Variants in CDKAL1 observed in about 807,000 individuals in gnomAD.
CDKAL1 encodes threonylcarbamoyladenosine tRNA methylthiotransferase.
In CDKAL1, 32 loss-of-function variants were observed where a neutral mutation model predicts 68.2. The observed-to-expected ratio is 0.47, with a 90% CI of 0.35 to 0.63. CDKAL1 has a LOEUF of 0.63. CDKAL1 is among the 30% of genes least tolerant of loss of function. The probability of loss-of-function intolerance (pLI) is 0.00; values close to 1 mark genes in which losing one functional copy is unlikely to be tolerated. For missense variants in CDKAL1, 606 were observed against 696.7 expected (o/e 0.87, Z 1.47); for synonymous variants, 234 against 244.3 (o/e 0.96, Z 0.39).
intron 12 of CDKAL1, among the ~76,000 whole-genome samples, chr6:21,108,058 C>G (rs1177860665): frequency 6.6e-6 from 1 of 152,014 alleles, no homozygotes; most frequent in Non-Finnish European, 1.5e-5. Context: ...ATCGGAAGTG[C>G]CCTGTGTATT....
intron 5 of CDKAL1, among the ~76,000 whole-genome samples, chr6:20,653,931 G>A (rs1259621341): frequency 6.6e-6 from 1 of 151,550 alleles, no homozygotes; most frequent in East Asian, 1.9e-4. Context: ...ATTTTTAGTA[G>A]AGATGCGGTT....
chr6:20,919,271 T>G (rs1366580818), intron 9 of CDKAL1, among the ~76,000 whole-genome samples: 2 of 152,194 alleles, frequency 1.3e-5, no homozygotes. Flanking sequence ...CACAGTAGAT[T>G]TAAATCACGA....
chr6:20,805,156 G>C lies in CDKAL1; in HGVS notation c.638+23891G>C, dbSNP rs567450940. ...GACTGTGTTCTGTATGGCTTCTCCT[G>C]AGAGGTAAAGCACAGGAAGCCTGTG... On this transcript the variant is annotated intron_variant, in intron 8 of 15. Coordinates refer to ENST00000274695, the MANE Select transcript of CDKAL1 (RefSeq NM_017774.3). 7.9e-5 allele frequency among the ~76,000 whole-genome samples: 12 copies of C among 152,324 alleles called. No individual in the cohort carries two copies. The South Asian group carries it at 2.3e-3, about 29-fold the overall frequency.
chr6:20,940,918 G>A (rs553222122), intron 9 of CDKAL1, among the ~76,000 whole-genome samples: 29 of 151,992 alleles, frequency 1.9e-4, no homozygotes, highest in East Asian at 1.2e-3. Context: ...GTGAAACCGC[G>A]TCTCTACTAA....
At chr6:21,055,250 G>C (rs1770763177) in intron 11 of CDKAL1, among the ~76,000 whole-genome samples, 2 of 151,840 alleles carry the variant, frequency 1.3e-5, no homozygotes, top group Non-Finnish European at 2.9e-5. Flanking sequence ...AATTTTGCCA[G>C]GTTCAGTTTG....
intron 11 of CDKAL1, among the ~76,000 whole-genome samples, chr6:21,008,400 G>C (rs1409695790): frequency 6.6e-6 from 1 of 152,090 alleles, no homozygotes; most frequent in Non-Finnish European, 1.5e-5. Context: ...TAAAAAGGCA[G>C]GGTCAGGCCC....
At chr6:20,547,221 T>C (rs1413852148) in intron 3 of CDKAL1, among the ~76,000 whole-genome samples, 1 of 152,164 alleles carries the variant, frequency 6.6e-6, no homozygotes, top group Non-Finnish European at 1.5e-5. Context: ...TGAATGATTT[T>C]AAATTTGGCA....
At chr6:20,934,739 C>T (rs556900428) in intron 9 of CDKAL1, among the ~76,000 whole-genome samples, 50 of 151,858 alleles carry the variant, frequency 3.3e-4, no homozygotes, top group African/African-American at 1.1e-3. Context: ...CCCAGCTACT[C>T]GGGAGGCTGA....
Position 20,561,958 on chromosome 6 carries a change from G to A in CDKAL1, c.286+13253G>A, listed in dbSNP as rs181461059. Among the ~76,000 whole-genome samples the A allele has an allele frequency of 2.6e-5, 4 of 152,184 alleles. No homozygotes were observed. In the East Asian group the frequency reaches 7.7e-4, roughly 29 times the overall value. The stretch of plus-strand genomic sequence containing the variant: ...AGATCCTTATACTATCACTTTTCCT[G>A]TCATGGACACTACAAATTATATTGA... On this transcript the variant is annotated intron_variant, in intron 4 of 15. Coordinates refer to ENST00000274695, the MANE Select transcript of CDKAL1 (RefSeq NM_017774.3).
At chr6:20,943,154 A>G (rs975535925) in intron 9 of CDKAL1, among the ~76,000 whole-genome samples, 11 of 150,994 alleles carry the variant, frequency 7.3e-5, no homozygotes, top group Admixed American at 5.3e-4. Context: ...TGAAAAGTCA[A>G]CAAAAATCTA....
intron 9 of CDKAL1, among the ~76,000 whole-genome samples, chr6:20,950,961 C>G (rs1381552857): frequency 7.9e-6 from 1 of 126,060 alleles, no homozygotes. Context: ...CAGAGTGAAA[C>G]AGTCTCAGAA....
chr6:21,112,348 A>G (rs1774161522), intron 13 of CDKAL1, among the ~76,000 whole-genome samples: 3 of 152,266 alleles, frequency 2.0e-5, no homozygotes. Context: ...GCTTGGAAGG[A>G]AAAAGTTCTA....
chr6:20,973,366 A>G (rs1188782825), intron 10 of CDKAL1, among the ~76,000 whole-genome samples: 1 of 152,192 alleles, frequency 6.6e-6, no homozygotes, highest in Non-Finnish European at 1.5e-5. Flanking sequence ...CATGATTGAT[A>G]GGGTAAGCCA....
chr6:20,859,368 T>C (rs965442223), intron 9 of CDKAL1, among the ~76,000 whole-genome samples: 1 of 152,188 alleles, frequency 6.6e-6, no homozygotes, highest in African/African-American at 2.4e-5. Flanking sequence ...TGGCTTTCCC[T>C]CTTCCATTTC....
At chr6:20,748,775 G>GGAAAACTGGAGAGCCACATGCAAAA (rs372888881) in intron 6 of CDKAL1, among the ~76,000 whole-genome samples, 8,370 of 151,168 alleles carry the variant, frequency 0.055, 268 homozygotes, top group African/African-American at 0.094. Flanking sequence ...TATGGTGTTG[G>GGAAAACTGGAGAGCCACATGCAAAA]GAATGAAACT....
chr6:21,052,748 C>T (rs968548350), intron 11 of CDKAL1, among the ~76,000 whole-genome samples: 3 of 152,030 alleles, frequency 2.0e-5, no homozygotes, highest in East Asian at 1.9e-4. Flanking sequence ...GTGCAGTTGG[C>T]TCACACCTGT....
chr6:21,035,465 GT>G (rs1417299747), intron 11 of CDKAL1, among the ~76,000 whole-genome samples: 1 of 151,972 alleles, frequency 6.6e-6, no homozygotes, highest in Non-Finnish European at 1.5e-5. Flanking sequence ...AATTTTCCTT[GT>G]ACATGTATTT....
At chr6:20,623,110 C>A (rs981059195) in intron 4 of CDKAL1, among the ~76,000 whole-genome samples, 5 of 151,978 alleles carry the variant, frequency 3.3e-5, no homozygotes, top group African/African-American at 1.2e-4. Flanking sequence ...AAAGATAAAT[C>A]TTTGTATTTC....
At chr6:20,614,732 C>T (rs533791898) in intron 4 of CDKAL1, among the ~76,000 whole-genome samples, 25 of 152,154 alleles carry the variant, frequency 1.6e-4, no homozygotes, top group Non-Finnish European at 2.2e-4. Context: ...AGTAGTTCTG[C>T]GTGTAGCTTT....
Sources: allele counts gnomAD v4.1 joint callset (sites outside exome capture counted in the v4.1 genomes callset), GRCh38; gene constraint gnomAD v4.1.1; transcripts MANE v1.5; gene names NCBI Gene and HGNC (gene_info 2026-07-23, HGNC 2026-07-21).